The following RYR2 variants were observed in gnomAD, a reference collection of about 807,000 sequenced individuals.
RYR2 encodes the protein cardiac muscle ryanodine receptor-calcium release channel.
RYR2 carries 227 observed loss-of-function variants against 601.1 expected under a neutral mutation model. The ratio of observed to expected loss-of-function variants is 0.38; its 90% CI spans 0.34 to 0.42. RYR2 has a LOEUF of 0.42. Among genes scored for constraint, RYR2 ranks in the 10% least tolerant of loss-of-function variants. The pLI is 1.00. For missense variants in RYR2, 4,646 were observed against 6,156.5 expected (o/e 0.75, Z 8.21); for synonymous variants, 2,223 against 2,175.1 (o/e 1.02, Z -0.61).
intron 34 of RYR2, among the ~76,000 whole-genome samples, chr1:237,596,461 T>C (rs1675905376): frequency 6.6e-6 from 1 of 152,020 alleles, no homozygotes; most frequent in Admixed American, 6.6e-5. Context: ...AGAAAGACTT[T>C]ATGAACTTGA....
At chr1:237,343,399 T>A (rs1388277725) in intron 3 of RYR2, among the ~76,000 whole-genome samples, 2 of 152,224 alleles carry the variant, frequency 1.3e-5, no homozygotes, top group African/African-American at 4.8e-5. Flanking sequence ...TATTGATATA[T>A]GATGAGTAAC....
intron 29 of RYR2, among the ~76,000 whole-genome samples, chr1:237,572,401 A>G (rs558362848): frequency 6.6e-6 from 1 of 152,224 alleles, no homozygotes; most frequent in East Asian, 1.9e-4. Context: ...CAGAATGCTC[A>G]TCCGTACTAT....
At chr1:237,469,732 A>C (rs533500452) in intron 17 of RYR2, among the ~76,000 whole-genome samples, 23 of 152,198 alleles carry the variant, frequency 1.5e-4, no homozygotes, top group African/African-American at 5.5e-4. Flanking sequence ...ATTTGGATAG[A>C]TTGGGGAGAC....
chr1:237,511,636 C>A, intron 23 of RYR2, 52 bp from the exon 24 acceptor site: 1 of 1,345,930 alleles, frequency 7.4e-7, no homozygotes, highest in Non-Finnish European at 1.0e-6. Context: ...AATTCCATTG[C>A]TAGTGCCTGG....
chr1:237,099,429 G>C (rs1667838957), intron 1 of RYR2, among the ~76,000 whole-genome samples: 1 of 152,026 alleles, frequency 6.6e-6, no homozygotes, highest in African/African-American at 2.4e-5. Flanking sequence ...GTAGAGATGA[G>C]GTCTTGCTAT....
intron 1 of RYR2, among the ~76,000 whole-genome samples, chr1:237,201,034 C>G (rs892689478): frequency 1.3e-5 from 2 of 152,218 alleles, no homozygotes; most frequent in Admixed American, 6.5e-5. Context: ...ATTCCTTCTG[C>G]TGTGCCTATG....
At chr1:237,643,189 C>A in intron 47 of RYR2, 138 bp from the exon 48 acceptor site, 1 of 1,023,844 alleles carries the variant, frequency 9.8e-7, no homozygotes, top group Admixed American at 2.6e-5. Flanking sequence ...AAAACTATTT[C>A]TGAGAGAGGC....
rs551001960 is a variant in RYR2 at position 237,533,615 on chromosome 1, G to A, written c.2906+3105G>A. On this transcript the variant is annotated intron_variant, in intron 25 of 104. Coordinates refer to ENST00000366574, the MANE Select transcript of RYR2 (RefSeq NM_001035.3). ...CATAGATGAACCTAAAAAATAATAAGGGTGTAAAAAACATTCTACAAGGGT... is the reference window on the plus strand; with the variant it reads ...CATAGATGAACCTAAAAAATAATAAAGGTGTAAAAAACATTCTACAAGGGT... Among the ~76,000 whole-genome samples the A allele has an allele frequency of 2.2e-3, 341 of 152,170 alleles. 3 individuals are homozygous for A. Among genetic ancestry groups the A allele is most frequent in the African/African-American group, 7.9e-3 (328 of 41,550 alleles).
At chr1:237,234,424 T>A (rs1685329550) in intron 1 of RYR2, among the ~76,000 whole-genome samples, 1 of 152,204 alleles carries the variant, frequency 6.6e-6, no homozygotes, top group African/African-American at 2.4e-5. Flanking sequence ...GCATTTCATA[T>A]CTTTATGAAA....
intron 1 of RYR2, among the ~76,000 whole-genome samples, chr1:237,096,909 A>G (rs1667562892): frequency 1.3e-5 from 2 of 152,182 alleles, no homozygotes; most frequent in African/African-American, 2.4e-5. Context: ...TGCACCTTGA[A>G]GCAATTGGAA....
intron 14 of RYR2, among the ~76,000 whole-genome samples, chr1:237,454,126 G>A (rs1012559609): frequency 2.0e-5 from 3 of 152,064 alleles, no homozygotes; most frequent in Non-Finnish European, 2.9e-5. Context: ...TCCTACTATT[G>A]GTTTTGTAGA....
chr1:237,127,404 G>A (rs1466541023), intron 1 of RYR2, among the ~76,000 whole-genome samples: 7 of 149,758 alleles, frequency 4.7e-5, no homozygotes, highest in South Asian at 2.1e-4. Context: ...GCGGCTGGCC[G>A]GGCGGGGGGC....
At position 237,356,376 on chromosome 1, in the gene RYR2, G is replaced by A. The variant is rs74419331; in HGVS notation, c.294+391G>A. 6.7e-5 allele frequency among the ~76,000 whole-genome samples: 10 copies of A among 149,760 alleles called. No individual in the cohort carries two copies. The East Asian group carries it at 1.8e-3, about 26-fold the overall frequency. On this transcript the variant is annotated intron_variant, in intron 4 of 104. Transcript: ENST00000366574. ...TCCACTGCTTAGTCCTTATATTTCT[G>A]CATGTACTGTAGAAGAAGACAATTA...
chr1:237,202,381 T>C (rs1394298283), intron 1 of RYR2, among the ~76,000 whole-genome samples: 4 of 152,214 alleles, frequency 2.6e-5, no homozygotes, highest in Non-Finnish European at 5.9e-5. Context: ...TGCATGTCTT[T>C]TACAAATTAT....
intron 58 of RYR2, among the ~76,000 whole-genome samples, chr1:237,673,065 C>T (rs913447560): frequency 6.6e-6 from 1 of 152,064 alleles, no homozygotes; most frequent in African/African-American, 2.4e-5. Flanking sequence ...TGCAGTAGCT[C>T]CTGGCTAAAC....
At chr1:237,087,684 G>A (rs1001645872) in intron 1 of RYR2, among the ~76,000 whole-genome samples, 4 of 152,030 alleles carry the variant, frequency 2.6e-5, no homozygotes, top group African/African-American at 4.8e-5. Context: ...CCACATTCTC[G>A]AATTTGAGAT....
chr1:237,725,845 A>G lies in RYR2; in HGVS notation c.10690-428A>G, dbSNP rs1024758382. Reference sequence around the variant, plus strand: ...TTAGGAACTTAAAATATGTTTGTCAACTGTCACCCATGCTGATCATAATGC... The same window carrying G: ...TTAGGAACTTAAAATATGTTTGTCAGCTGTCACCCATGCTGATCATAATGC... On this transcript the variant is annotated intron_variant, in intron 74 of 104. Transcript: ENST00000366574. 3.3e-5 allele frequency among the ~76,000 whole-genome samples: 5 copies of G among 152,200 alleles called. No homozygotes were observed. The South Asian group carries it at 6.2e-4, about 19-fold the overall frequency.
At chr1:237,587,729 A>G (rs1461956694) in intron 29 of RYR2, among the ~76,000 whole-genome samples, 4 of 152,228 alleles carry the variant, frequency 2.6e-5, no homozygotes, top group Admixed American at 2.0e-4. Context: ...ATATTACTAG[A>G]CACTGAATAT....
Position 237,597,386 on chromosome 1 carries a change from A to G in RYR2, c.4596+1729A>G, listed in dbSNP as rs556439812. 1.4e-3 allele frequency among the ~76,000 whole-genome samples: 208 copies of G among 151,470 alleles called. 1 individual carries two copies. The highest frequency in any genetic ancestry group is 2.1e-3 in the Non-Finnish European group (145 of 67,962). On this transcript the variant is annotated intron_variant, in intron 34 of 104. Coordinates refer to ENST00000366574, the MANE Select transcript of RYR2 (RefSeq NM_001035.3). ...AACCTCTGCCTTCTGGGTTCAAGCA[A>G]TTCTCATGCCTCAGCCTCCTGAGTA...
Sources: allele counts gnomAD v4.1 joint callset (sites outside exome capture counted in the v4.1 genomes callset), GRCh38; gene constraint gnomAD v4.1.1; transcripts MANE v1.5; gene names NCBI Gene and HGNC (gene_info 2026-07-23, HGNC 2026-07-21).